The following DPRX variants were observed in gnomAD, a reference collection of about 807,000 sequenced individuals.
DPRX encodes the protein divergent-paired related homeobox, also known as divergent paired-related homeobox.
DPRX carries 11 observed loss-of-function variants against 8.4 expected under a neutral mutation model. The observed-to-expected ratio is 1.31, with a 90% CI of 0.82 to 2.17. The LOEUF is 2.17. Ranked by LOEUF, DPRX falls within the 30% of genes most tolerant of loss-of-function variation. The probability of loss-of-function intolerance (pLI) is 0.00; values close to 1 mark genes in which losing one functional copy is unlikely to be tolerated. For synonymous variants in DPRX, 72 were observed against 87.0 expected (o/e 0.83, Z 0.96); for missense variants, 211 against 236.7 (o/e 0.89, Z 0.71).
At chr19:53,608,034 A>T in the DPRX span, among the ~76,000 whole-genome samples, 4 of 147,560 alleles carry the variant, frequency 2.7e-5, no homozygotes, top group Non-Finnish European at 6.0e-5. Context: ...TTAGCCGAGC[A>T]TGGTGGCAGG....
the DPRX span, chr19:53,617,331 A>T: frequency 1.8e-6 from 1 of 561,074 alleles, no homozygotes; most frequent in Non-Finnish European, 3.3e-6. Context: ...GGCCGAGGCG[A>T]GCGGATTATC....
the DPRX span, among the ~76,000 whole-genome samples, chr19:53,618,130 G>A: frequency 7.6e-5 from 11 of 143,930 alleles, no homozygotes; most frequent in Non-Finnish European, 1.2e-4. Context: ...GCGACAGAGC[G>A]AGACTCTGTT....
At chr19:53,605,811 C>A in the DPRX span, among the ~76,000 whole-genome samples, 195 of 151,914 alleles carry the variant, frequency 1.3e-3, 1 homozygote, top group African/African-American at 4.2e-3. Flanking sequence ...ACTACAGGCA[C>A]GTTCCAGCAT....
At chr19:53,609,268 G>A in the DPRX span, among the ~76,000 whole-genome samples, 1 of 150,976 alleles carries the variant, frequency 6.6e-6, no homozygotes, top group Non-Finnish European at 1.5e-5. Context: ...AGGAGTTCAA[G>A]ACCAGCCTGG....
chr19:53,617,810 G>A, the DPRX span, among the ~76,000 whole-genome samples: 1 of 152,048 alleles, frequency 6.6e-6, no homozygotes, highest in Non-Finnish European at 1.5e-5. Flanking sequence ...TACCAATGAT[G>A]ATGAGTGGCA....
chr19:53,602,256 A>T, the DPRX span: 4 of 393,846 alleles, frequency 1.0e-5, no homozygotes, highest in Non-Finnish European at 2.0e-5. Context: ...CAAACCATAT[A>T]TATGGGTATG....
At chr19:53,635,915 C>T (rs1172187038) in intron 2 of DPRX, among the ~76,000 whole-genome samples, 2 of 152,162 alleles carry the variant, frequency 1.3e-5, no homozygotes, top group African/African-American at 2.4e-5. Context: ...CTATCCCCTG[C>T]TCTGGGTTTT....
the DPRX span, among the ~76,000 whole-genome samples, chr19:53,621,294 G>A: frequency 4.0e-5 from 6 of 151,816 alleles, no homozygotes; most frequent in African/African-American, 7.3e-5. Flanking sequence ...CACAGTGCCC[G>A]GCTAATTTTT....
chr19:53,632,792 C>T (rs2091098197), intron 1 of DPRX, among the ~76,000 whole-genome samples: 1 of 152,146 alleles, frequency 6.6e-6, no homozygotes, highest in Non-Finnish European at 1.5e-5. Context: ...CCTGTTTCTG[C>T]CTTCAAATCC....
chr19:53,636,428 CA>C (rs1006315251), intron 2 of DPRX, among the ~76,000 whole-genome samples, 167 bp from the exon 3 acceptor site: 7 of 104,150 alleles, frequency 6.7e-5, no homozygotes, highest in Non-Finnish European at 1.2e-4. Context: ...GTTTAAGGGC[CA>C]AAAAAAGGAA....
the DPRX span, among the ~76,000 whole-genome samples, chr19:53,610,847 C>A: frequency 6.6e-6 from 1 of 152,106 alleles, no homozygotes; most frequent in Non-Finnish European, 1.5e-5. Context: ...AGATTGGACA[C>A]CACTGATTGT....
At chr19:53,623,314 T>A in the DPRX span, among the ~76,000 whole-genome samples, 1,750 of 105,510 alleles carry the variant, frequency 0.017, 29 homozygotes, top group African/African-American at 0.059. Flanking sequence ...CTCAAAAAAA[T>A]AAATAAATAA....
At chr19:53,614,923 C>T in the DPRX span, among the ~76,000 whole-genome samples, 2 of 151,604 alleles carry the variant, frequency 1.3e-5, no homozygotes, top group South Asian at 2.1e-4. Flanking sequence ...AGTTTCAGAC[C>T]AGCCTGGGGA....
rs1555780226 is a variant in DPRX, at chr19:53,636,388, A to AAT, written c.184-207_184-206insTA. The stretch of plus-strand genomic sequence containing the variant: ...CTCAAAAATAAAATAAAATAAAATA[A>AAT]AAATAAATAAATAAATAAATATTAG... On this transcript the variant is annotated intron_variant, in intron 2 of 2. Transcript: ENST00000376650. Among the ~76,000 whole-genome samples, 533 of 149,054 alleles carry AAT rather than the reference A, an allele frequency of 3.6e-3. 2 individuals carry two copies. Among genetic ancestry groups the AAT allele is most frequent in the Non-Finnish European group, 5.8e-3 (394 of 67,436 alleles).
At chr19:53,634,236 G>A (rs1307404649) in intron 1 of DPRX, among the ~76,000 whole-genome samples, 1 of 152,120 alleles carries the variant, frequency 6.6e-6, no homozygotes, top group African/African-American at 2.4e-5. Context: ...TTCGAGACCA[G>A]CCTAGCCAAC....
chr19:53,602,038 C>A, the DPRX span: 2 of 456,558 alleles, frequency 4.4e-6, no homozygotes, highest in Non-Finnish European at 4.4e-6. Context: ...TGTCTCCAGA[C>A]GGTGAAAGTG....
At chr19:53,633,204 G>T (rs1322048330) in intron 1 of DPRX, among the ~76,000 whole-genome samples, 1 of 152,170 alleles carries the variant, frequency 6.6e-6, no homozygotes, top group South Asian at 2.1e-4. Context: ...GAGGTGAGAG[G>T]ATCGCTTGAG....
chr19:53,636,019 G>C (rs779178850), intron 2 of DPRX, among the ~76,000 whole-genome samples: 1 of 152,096 alleles, frequency 6.6e-6, no homozygotes, highest in Non-Finnish European at 1.5e-5. Context: ...GGATGTAAGT[G>C]GCCAAGCTGT....
chr19:53,632,077 C>T (rs2091094705), exon 1 of DPRX: 1 of 1,613,744 alleles, frequency 6.2e-7, no homozygotes, highest in African/African-American at 1.3e-5. Context: ...ATCCCTGGAC[C>T]TGAACCCAGG....
Sources: allele counts gnomAD v4.1 joint callset (sites outside exome capture counted in the v4.1 genomes callset), GRCh38; gene constraint gnomAD v4.1.1; transcripts MANE v1.5; gene names NCBI Gene and HGNC (gene_info 2026-07-23, HGNC 2026-07-21).